RGSL1: variants seen among roughly 807,000 people sequenced by gnomAD.
The protein encoded by RGSL1 is regulator of G protein signaling like 1.
In RGSL1, 97 loss-of-function variants were observed where a neutral mutation model predicts 124.7. The observed-to-expected ratio is 0.78, with a 90% CI of 0.66 to 0.92. RGSL1 has a LOEUF of 0.92. Among genes scored for constraint, RGSL1 ranks in the 40% least tolerant of loss-of-function variants. The probability of loss-of-function intolerance (pLI) is 0.00; values close to 1 mark genes in which losing one functional copy is unlikely to be tolerated. For missense variants in RGSL1, 1,233 were observed against 1,288.4 expected (o/e 0.96, Z 0.66); for synonymous variants, 424 against 438.1 (o/e 0.97, Z 0.40).
rs536777554 is a variant in RGSL1, at chr1:182,483,598, T to C, written c.1432-4687T>C. Among the ~76,000 whole-genome samples, 179 of 152,320 alleles carry C rather than the reference T, an allele frequency of 1.2e-3. 2 individuals carry two copies. The highest frequency in any genetic ancestry group is 1.1e-3 in the Non-Finnish European group (78 of 68,038). On this transcript the variant is annotated intron_variant, in intron 6 of 21. Coordinates refer to ENST00000294854, the MANE Select transcript of RGSL1 (RefSeq NM_001137669.2). ...TTTCAAATGAGACATAATGTGTATA[T>C]GTAATATTTATAGACATATATTTCT... is the stretch of plus-strand genomic sequence containing the variant.
At position 182,547,173 on chromosome 1, in the gene RGSL1, T is replaced by G. The variant is rs79397343; in HGVS notation, c.2670-1144T>G. On this transcript the variant is annotated intron_variant, in intron 15 of 21. Coordinates refer to ENST00000294854, the MANE Select transcript of RGSL1 (RefSeq NM_001137669.2). ...TATGACGTGCTCTCTATTTCTAAGA[T>G]CCCACAAACTAATGAGGATGGCAGA... Among the ~76,000 whole-genome samples, 565 of 152,280 alleles carry G rather than the reference T, an allele frequency of 3.7e-3. 3 individuals are homozygous for G. The highest frequency in any genetic ancestry group is 0.013 in the African/African-American group (538 of 41,556).
At chr1:182,455,328 C>T (rs1330524198) in intron 2 of RGSL1, among the ~76,000 whole-genome samples, 1 of 152,062 alleles carries the variant, frequency 6.6e-6, no homozygotes, top group African/African-American at 2.4e-5. Context: ...ATGCCTGTAA[C>T]CCCAGCAATT....
intron 4 of RGSL1, among the ~76,000 whole-genome samples, chr1:182,462,833 G>C (rs1652955920): frequency 6.6e-6 from 1 of 152,040 alleles, no homozygotes. Context: ...TAACTGCAAG[G>C]AAAATAGCTA....
intron 10 of RGSL1, among the ~76,000 whole-genome samples, chr1:182,525,862 G>GTA (rs1658704185): frequency 6.6e-6 from 1 of 151,696 alleles, no homozygotes; most frequent in Non-Finnish European, 1.5e-5. Flanking sequence ...ATTGACCACG[G>GTA]GGAAAAAAGA....
Position 182,472,461 on chromosome 1 carries a change from G to C in RGSL1, c.367G>C (p.Glu123Gln). The change falls in exon 5 of 22, where the codon GAA becomes CAA. Residue 123 changes from glutamate (E) to glutamine (Q), a missense_variant. By Grantham distance (29) the Glu-to-Gln change is conservative. Coordinates refer to ENST00000294854, the MANE Select transcript of RGSL1 (RefSeq NM_001137669.2). ...CCTGAGCATAGATGAGATGGACCTG[G>C]AAGTGAGAGACTACTACCTGTCCCT... ...NILSIDEMDL[E>Q]VRDYYLSLLL... 6.4e-7 allele frequency: 1 copy of C among 1,551,214 alleles called. No homozygotes were observed. Among genetic ancestry groups the C allele is most frequent in the Non-Finnish European group, 8.7e-7 (1 of 1,146,674 alleles).
At chr1:182,457,817 T>C (rs2101989336) in intron 2 of RGSL1, among the ~76,000 whole-genome samples, 1 of 152,350 alleles carries the variant, frequency 6.6e-6, no homozygotes, top group East Asian at 1.9e-4. Flanking sequence ...TATCCTAGAA[T>C]TACATTATCA....
At chr1:182,507,945 C>T (rs1265583976) in intron 9 of RGSL1, among the ~76,000 whole-genome samples, 1 of 152,128 alleles carries the variant, frequency 6.6e-6, no homozygotes, top group African/African-American at 2.4e-5. Context: ...TCAAACAATC[C>T]ACCCACTTCA....
At chr1:182,460,850 G>A in intron 4 of RGSL1, 1 of 405,534 alleles carries the variant, frequency 2.5e-6, no homozygotes, top group South Asian at 1.8e-5. Context: ...TTCAATTTCA[G>A]CTCTTTGCAC....
In RGSL1 at chr1:182,548,245, T is replaced by G. The variant is rs1296814267; in HGVS notation, c.2670-72T>G. On this transcript the variant is annotated intron_variant, in intron 15 of 21. Coordinates refer to ENST00000294854, the MANE Select transcript of RGSL1 (RefSeq NM_001137669.2). ...GCGTTTTTTGGGCCAGAAATGAGTC[T>G]AGGCTGGGTGCCTTGTTAGTCACTG... is the stretch of plus-strand genomic sequence containing the variant. 2.0e-6 allele frequency: 3 copies of G among 1,514,752 alleles called. No homozygotes were observed. In the African/African-American group the frequency reaches 4.2e-5, roughly 21 times the overall value. 93.8% of individuals were successfully genotyped at this position (1,514,752 alleles called of 1,614,324 possible).
At chr1:182,543,511 T>TA (rs2102307478) in intron 15 of RGSL1, among the ~76,000 whole-genome samples, 1 of 152,090 alleles carries the variant, frequency 6.6e-6, no homozygotes, top group East Asian at 1.9e-4. Context: ...TGTAGTTTTC[T>TA]TTTTTTGCTG....
At chr1:182,535,219 C>G (rs942067292) in intron 14 of RGSL1, among the ~76,000 whole-genome samples, 1 of 152,202 alleles carries the variant, frequency 6.6e-6, no homozygotes, top group Non-Finnish European at 1.5e-5. Context: ...GATGCAACCC[C>G]TATCTTGAAC....
chr1:182,515,769 T>C (rs908024106), intron 9 of RGSL1, among the ~76,000 whole-genome samples: 5 of 152,040 alleles, frequency 3.3e-5, no homozygotes, highest in Non-Finnish European at 7.4e-5. Context: ...ACCGTGGCCA[T>C]TGGGTGCAGC....
rs144064232 is a variant in RGSL1, at chr1:182,458,097, G to A, written c.97-222G>A. On this transcript the variant is annotated intron_variant, in intron 2 of 21. Transcript: ENST00000294854. ...GGAAAGATAGCTCCCAGGTTGGGGC[G>A]TGGTGGAGCCAAAAGATGAGTGAAT... Among the ~76,000 whole-genome samples, 321 of 152,338 alleles carry A rather than the reference G, an allele frequency of 2.1e-3. 2 individuals are homozygous for A. The highest frequency in any genetic ancestry group is 0.011 in the East Asian group (55 of 5,188).
intron 6 of RGSL1, among the ~76,000 whole-genome samples, chr1:182,482,039 T>C (rs569685456): frequency 6.6e-6 from 1 of 152,224 alleles, no homozygotes; most frequent in African/African-American, 2.4e-5. Flanking sequence ...TATACACAAT[T>C]ACCAGGTAGG....
chr1:182,557,677 G>A (rs984945166), intron 21 of RGSL1, among the ~76,000 whole-genome samples: 1 of 152,052 alleles, frequency 6.6e-6, no homozygotes, highest in Non-Finnish European at 1.5e-5. Context: ...CATTCACCAT[G>A]GTTATACTCA....
chr1:182,522,164 C>T, intron 10 of RGSL1, 55 bp downstream of exon 10: 2 of 1,207,920 alleles, frequency 1.7e-6, no homozygotes, highest in Non-Finnish European at 2.4e-6. Context: ...TTTTGAAAAA[C>T]CTCAACATGT....
intron 9 of RGSL1, among the ~76,000 whole-genome samples, chr1:182,520,120 C>T (rs1658223943): frequency 6.6e-6 from 1 of 151,954 alleles, no homozygotes; most frequent in African/African-American, 2.4e-5. Flanking sequence ...TTTGTAGAGC[C>T]AATTTGAACC....
At position 182,457,682 on chromosome 1, in the gene RGSL1, G is replaced by A. The variant is rs76613242; in HGVS notation, c.97-637G>A. Among the ~76,000 whole-genome samples, 432 of 152,280 alleles carry A rather than the reference G, an allele frequency of 2.8e-3. 6 individuals carry two copies. The highest frequency in any genetic ancestry group is 0.01 in the African/African-American group (417 of 41,566). ...GCAAATACTTCTGGGACACTTTGAA[G>A]ACATTTTGTTGCCCATGATGAGACT... On this transcript the variant is annotated intron_variant, in intron 2 of 21. Transcript: ENST00000294854.
chr1:182,484,618 A>G (rs939197167), intron 6 of RGSL1, among the ~76,000 whole-genome samples: 2 of 152,210 alleles, frequency 1.3e-5, no homozygotes, highest in African/African-American at 4.8e-5. Flanking sequence ...GGCAGCTCCA[A>G]CAAGGCACTG....
Sources: gnomAD v4.1 joint callset for allele counts (sites outside exome capture counted in the v4.1 genomes callset) on GRCh38, gnomAD v4.1.1 for gene constraint, MANE v1.5 for transcripts, NCBI Gene and HGNC (gene_info 2026-07-23, HGNC 2026-07-21) for gene names.